Variants in CHST3 observed in about 807,000 individuals in gnomAD.
CHST3 encodes the protein carbohydrate sulfotransferase 3, also known as C6ST-1.
In CHST3, 20 loss-of-function variants were observed where a neutral mutation model predicts 35.4. That is an observed-to-expected ratio of 0.57 (90% CI 0.40 to 0.82). The LOEUF is 0.82. Among genes scored for constraint, CHST3 ranks in the 40% least tolerant of loss-of-function variants. The pLI, the probability that CHST3 is intolerant of heterozygous loss-of-function variation, is 0.00. For synonymous variants in CHST3, 334 were observed against 295.9 expected (o/e 1.13, Z -1.32); for missense variants, 693 against 670.1 (o/e 1.03, Z -0.38).
At chr10:72,006,828 A>C (rs1370026924) in intron 2 of CHST3, among the ~76,000 whole-genome samples, 1 of 152,120 alleles carries the variant, frequency 6.6e-6, no homozygotes. Context: ...ACAGCTCTGC[A>C]CCTGAGAGCT....
At chr10:71,977,834 T>C (rs1281391948) in intron 1 of CHST3, among the ~76,000 whole-genome samples, 3 of 152,070 alleles carry the variant, frequency 2.0e-5, no homozygotes, top group African/African-American at 7.2e-5. Flanking sequence ...CACACCCAGT[T>C]AATTTTTGTG....
At chr10:71,973,764 A>C (rs540014926) in intron 1 of CHST3, among the ~76,000 whole-genome samples, 2 of 152,326 alleles carry the variant, frequency 1.3e-5, no homozygotes, top group South Asian at 2.1e-4. Context: ...ATGAGGGAAG[A>C]CTTGGGGAAG....
At position 72,007,561 on chromosome 10, in the gene CHST3, G is replaced by C. The variant is rs1217900643; in HGVS notation, c.530G>C (p.Gly177Ala). 3.1e-6 allele frequency: 5 copies of C among 1,607,054 alleles called. No homozygotes were observed. The highest frequency in any genetic ancestry group is 4.2e-6 in the Non-Finnish European group (5 of 1,179,762). ...GAGCGCACAGTGTCCTTCGAGCCGG[G>C]GGGCGCCAACGCCGCGGGCTCGGCC... ...HIERTVSFEP[G>A]GANAAGSALV... is the part of the protein sequence containing the mutation. Residue 177 changes from glycine (G) to alanine (A), a missense_variant, in exon 3 of 3, where the codon GGG (glycine) becomes GCG (alanine). By Grantham distance (60) the Gly-to-Ala change is moderately conservative. Coordinates refer to ENST00000373115, the MANE Select transcript of CHST3 (RefSeq NM_004273.5).
chr10:72,003,792 C>T (rs993894365), intron 1 of CHST3, among the ~76,000 whole-genome samples: 2 of 152,086 alleles, frequency 1.3e-5, no homozygotes, highest in African/African-American at 4.8e-5. Flanking sequence ...CAGTGGCACA[C>T]CTATAGTCCC....
rs571029090 is a variant in CHST3, at chr10:71,973,105, T to C, written c.-108+8411T>C. Among the ~76,000 whole-genome samples, 16 of 152,290 alleles carry C rather than the reference T, an allele frequency of 1.1e-4. No individual in the cohort carries two copies. In the South Asian group the frequency reaches 2.9e-3, roughly 28 times the overall value. On this transcript the variant is annotated intron_variant, in intron 1 of 2. Coordinates refer to ENST00000373115, the MANE Select transcript of CHST3 (RefSeq NM_004273.5). ...GGGCAGGCCCAGTCCAGGATGCTTCTGTGAGGGAGCGCTTCGAGTCTGGGG... is the reference window on the plus strand; with the variant it reads ...GGGCAGGCCCAGTCCAGGATGCTTCCGTGAGGGAGCGCTTCGAGTCTGGGG...
chr10:72,007,166 T>C lies in CHST3; in HGVS notation c.141-6T>C. On this transcript the variant is annotated splice_polypyrimidine_tract_variant and splice_region_variant and intron_variant, in intron 2 of 2. Coordinates refer to ENST00000373115, the MANE Select transcript of CHST3 (RefSeq NM_004273.5). ...CCACTGACCCTGATCTTCTTTGTCC[T>C]CACAGGGTCTCAGACAAGCTGAAGC... 1 of 1,613,916 alleles carries C rather than the reference T, an allele frequency of 6.2e-7. No individual in the cohort carries two copies. Among genetic ancestry groups the C allele is most frequent in the Non-Finnish European group, 8.5e-7 (1 of 1,179,978 alleles).
rs1311659824 is a variant in CHST3, at chr10:72,008,139, C to T, written c.1108C>T (p.Arg370Cys). ...AWLRGRYMLV[R>C]YEDVARGPLQ... ...GCTGCGGGGCCGCTACATGCTGGTG[C>T]GCTACGAGGACGTGGCACGCGGGCC... The change falls in exon 3 of 3, where the codon CGC (arginine) becomes TGC (cysteine). Residue 370 changes from arginine (R) to cysteine (C), a missense_variant. Transcript: ENST00000373115. The T allele has an allele frequency of 6.5e-7, 1 of 1,548,280 alleles. No individual in the cohort carries two copies. The highest frequency in any genetic ancestry group is 8.7e-7 in the Non-Finnish European group (1 of 1,146,366).
At chr10:71,966,724 T>G (rs759118569) in intron 1 of CHST3, among the ~76,000 whole-genome samples, 1 of 152,232 alleles carries the variant, frequency 6.6e-6, no homozygotes, top group Non-Finnish European at 1.5e-5. Context: ...TCGAGAGTTC[T>G]GTATACATTT....
chr10:71,965,840 C>G (rs1206761310), intron 1 of CHST3, among the ~76,000 whole-genome samples: 1 of 152,160 alleles, frequency 6.6e-6, no homozygotes, highest in Non-Finnish European at 1.5e-5. Flanking sequence ...CCTGCCTGAT[C>G]TGCTTGGGCC....
intron 1 of CHST3, among the ~76,000 whole-genome samples, chr10:71,999,374 T>C (rs1016950260): frequency 6.6e-6 from 1 of 152,192 alleles, no homozygotes; most frequent in Admixed American, 6.5e-5. Flanking sequence ...CCAGCACACA[T>C]GGAGCTTTCC....
At chr10:71,969,739 C>T (rs905004431) in intron 1 of CHST3, among the ~76,000 whole-genome samples, 1 of 152,168 alleles carries the variant, frequency 6.6e-6, no homozygotes, top group African/African-American at 2.4e-5. Flanking sequence ...ATCTTTGTAC[C>T]CCTGGTTCCA....
Position 71,978,301 on chromosome 10 carries a change from G to A in CHST3, c.-108+13607G>A, listed in dbSNP as rs12250841. Among the ~76,000 whole-genome samples, 781 of 150,950 alleles carry A rather than the reference G, an allele frequency of 5.2e-3. 10 individuals are homozygous for A. The highest frequency in any genetic ancestry group is 0.018 in the African/African-American group (741 of 41,030). On this transcript the variant is annotated intron_variant, in intron 1 of 2. Coordinates refer to ENST00000373115, the MANE Select transcript of CHST3 (RefSeq NM_004273.5). Reference sequence around the variant, plus strand: ...GAATCTCTTGAACCAGGGAGACGGAGGTTGCGGTGAGCCGAGATCACACCA... The same window carrying A: ...GAATCTCTTGAACCAGGGAGACGGAAGTTGCGGTGAGCCGAGATCACACCA...
At chr10:72,000,736 A>G (rs1008386893) in intron 1 of CHST3, among the ~76,000 whole-genome samples, 1 of 152,040 alleles carries the variant, frequency 6.6e-6, no homozygotes, top group Non-Finnish European at 1.5e-5. Context: ...GCCTCCGAGA[A>G]GTTTCCATGT....
At chr10:71,964,857 A>G (rs1839613668) in intron 1 of CHST3, among the ~76,000 whole-genome samples, 163 bp downstream of exon 1, 1 of 152,230 alleles carries the variant, frequency 6.6e-6, no homozygotes, top group Non-Finnish European at 1.5e-5. Context: ...GGAAAAGCCC[A>G]GGCAGGCACC....
rs1361141661 is a variant in CHST3, at chr10:72,007,932, C to T, written c.901C>T (p.Arg301Cys). 1 of 1,551,630 alleles carries T rather than the reference C, an allele frequency of 6.4e-7. No individual in the cohort carries two copies. Among genetic ancestry groups the T allele is most frequent in the South Asian group, 1.2e-5 (1 of 84,596 alleles). The change falls in exon 3 of 3, where the codon CGC becomes TGC. Residue 301 changes from arginine (R) to cysteine (C), a missense_variant. Arg to Cys is a radical substitution (Grantham distance 180). Transcript: ENST00000373115. The stretch of plus-strand genomic sequence containing the variant: ...GGACCTGCGCGTCATCCAGCTGGTG[C>T]GCGACCCCCGGGCCGTGCTGGCCTC... ...RLDLRVIQLV[R>C]DPRAVLASRM... is the part of the protein sequence containing the mutation.
rs541213104 is a variant in CHST3, at chr10:71,996,810, G to A, written c.-107-8926G>A. The stretch of plus-strand genomic sequence containing the variant: ...ATCGTGGAGAACAAGACTACTGTCC[G>A]AGGCAAGAGCTGGGCTCCTCCTAGC... On this transcript the variant is annotated intron_variant, in intron 1 of 2. Transcript: ENST00000373115. Among the ~76,000 whole-genome samples the A allele has an allele frequency of 3.9e-5, 6 of 152,292 alleles. No homozygotes were observed. In the South Asian group the frequency reaches 8.3e-4, roughly 21 times the overall value.
At chr10:71,969,463 C>T (rs1473478002) in intron 1 of CHST3, among the ~76,000 whole-genome samples, 2 of 152,228 alleles carry the variant, frequency 1.3e-5, no homozygotes, top group Non-Finnish European at 2.9e-5. Flanking sequence ...GCCCTGAGAG[C>T]CCCCAGTACA....
In CHST3 at chr10:72,011,934, G is replaced by A. The variant is rs1380213235; in HGVS notation, c.*3463G>A. On this transcript the variant is annotated 3_prime_UTR_variant, in exon 3 of 3. Coordinates refer to ENST00000373115, the MANE Select transcript of CHST3 (RefSeq NM_004273.5). ...TAGAGAGGGAAAGAGAAGACCAGAT[G>A]TGCATAGAAGCCAGTCTCTGTCACA... 6.6e-6 allele frequency: 1 copy of A among 152,206 alleles called. No homozygotes were observed. Among genetic ancestry groups the A allele is most frequent in the Non-Finnish European group, 1.5e-5 (1 of 68,044 alleles). 9.4% of individuals were successfully genotyped at this position (152,206 alleles called of 1,614,324 possible). A position where few individuals can be genotyped will look rare whatever the true frequency, so the allele number is the denominator to read the frequency against.
Position 72,007,499 on chromosome 10 carries a change from C to G in CHST3, c.468C>G (p.Gly156=). Reference sequence around the variant, plus strand: ...TGGGCGAGTTCTTCAACCAGCAGGGCAACATCTTCTACCTCTTCGAGCCGC... The same window carrying G: ...TGGGCGAGTTCTTCAACCAGCAGGGGAACATCTTCTACCTCTTCGAGCCGC... ...SFVGEFFNQQ[G]NIFYLFEPLW... The change falls in exon 3 of 3, where the codon GGC becomes GGG. Residue 156 remains glycine (G), a synonymous_variant. Transcript: ENST00000373115. The G allele has an allele frequency of 1.2e-6, 2 of 1,602,458 alleles. No individual in the cohort carries two copies. The highest frequency in any genetic ancestry group is 1.7e-6 in the Non-Finnish European group (2 of 1,179,774).
Sources: gnomAD v4.1 joint callset for allele counts (sites outside exome capture counted in the v4.1 genomes callset) on GRCh38, gnomAD v4.1.1 for gene constraint, MANE v1.5 for transcripts, NCBI Gene and HGNC (gene_info 2026-07-23, HGNC 2026-07-21) for gene names.